The following TLE1 variants were observed in gnomAD, a reference collection of about 807,000 sequenced individuals.
TLE1 encodes the protein transducin-like enhancer protein 1.
A neutral mutation model predicts 89.8 loss-of-function variants in TLE1; 21 were observed. The observed-to-expected ratio is 0.23, with a 90% confidence interval of 0.17 to 0.34. The LOEUF (loss-of-function observed/expected upper bound fraction) is 0.34. Among genes scored for constraint, TLE1 ranks in the 10% least tolerant of loss-of-function variants. The probability of loss-of-function intolerance (pLI) is 1.00; values close to 1 mark genes in which losing one functional copy is unlikely to be tolerated. For missense variants in TLE1, 795 were observed against 1,031.2 expected, an observed-to-expected ratio of 0.77 and a Z score of 3.14; for synonymous variants, 447 against 407.6, an observed-to-expected ratio of 1.10 and a Z score of -1.16.
intron 14 of TLE1, 117 bp downstream of exon 14, chr9:81,610,103 C>CA: frequency 1.2e-6 from 1 of 854,906 alleles, no homozygotes; most frequent in East Asian, 2.6e-5. Flanking sequence ...CAGGAAAAGA[C>CA]ACCAGAAATC....
intron 6 of TLE1, among the ~76,000 whole-genome samples, chr9:81,650,762 T>C (rs1829438959): frequency 1.3e-5 from 2 of 152,146 alleles, no homozygotes; most frequent in East Asian, 1.9e-4. Context: ...GAGAATTGTT[T>C]ATGCAGAGCT....
intron 14 of TLE1, among the ~76,000 whole-genome samples, chr9:81,597,937 G>A (rs1830442279): frequency 6.6e-6 from 1 of 152,062 alleles, no homozygotes; most frequent in Non-Finnish European, 1.5e-5. Context: ...ACTATGCTGT[G>A]TTCTGTGGTC....
intron 8 of TLE1, among the ~76,000 whole-genome samples, chr9:81,628,408 GCCTCCGGGAATGAACGTGATTTTTCTT>G (rs1826163892): frequency 1.3e-5 from 2 of 152,164 alleles, no homozygotes; most frequent in African/African-American, 4.8e-5. Context: ...GTTCCCATAG[GCCTCCGGGAATGAACGTGATTTTTCTT>G]TTTTTTTCCA....
intron 7 of TLE1, 71 bp downstream of exon 7, chr9:81,634,026 G>T: frequency 6.7e-7 from 1 of 1,492,220 alleles, no homozygotes; most frequent in Non-Finnish European, 9.1e-7. Flanking sequence ...TCTCTTTAGC[G>T]ATGCACACAA....
chr9:81,668,860 G>A (rs1831842635), intron 4 of TLE1, among the ~76,000 whole-genome samples: 1 of 152,010 alleles, frequency 6.6e-6, no homozygotes, highest in African/African-American at 2.4e-5. Flanking sequence ...TATAAACCAG[G>A]GGCCACCAGA....
At chr9:81,657,623 AG>A (rs924021698) in intron 4 of TLE1, among the ~76,000 whole-genome samples, 1 of 152,182 alleles carries the variant, frequency 6.6e-6, no homozygotes, top group African/African-American at 2.4e-5. Context: ...AATAAAGAAA[AG>A]AAAGACATAT....
chr9:81,601,648 A>G (rs1218713232), intron 14 of TLE1, among the ~76,000 whole-genome samples: 6 of 152,152 alleles, frequency 3.9e-5, no homozygotes, highest in South Asian at 2.1e-4. Context: ...TCTCTTACCA[A>G]TGATCTCCAC....
At chr9:81,618,900 A>C (rs1467124643) in intron 9 of TLE1, among the ~76,000 whole-genome samples, 2 of 152,196 alleles carry the variant, frequency 1.3e-5, no homozygotes, top group African/African-American at 4.8e-5. Flanking sequence ...GTCTGTCATC[A>C]GTGATCTAAG....
intron 4 of TLE1, among the ~76,000 whole-genome samples, chr9:81,667,140 C>T (rs951937141): frequency 6.6e-5 from 10 of 152,014 alleles, no homozygotes; most frequent in Middle Eastern, 6.8e-3. Flanking sequence ...CAGCCGGGCA[C>T]GGTGGCTCAC....
At chr9:81,657,939 T>C (rs1830341036) in intron 4 of TLE1, among the ~76,000 whole-genome samples, 1 of 145,782 alleles carries the variant, frequency 6.9e-6, no homozygotes, top group Admixed American at 7.0e-5. Context: ...AGACAGAGTC[T>C]CGCTCTGTCA....
chr9:81,687,702 G>C (rs1834500659), intron 1 of TLE1, among the ~76,000 whole-genome samples: 1 of 152,002 alleles, frequency 6.6e-6, no homozygotes, highest in Non-Finnish European at 1.5e-5. Context: ...CCAAAGGGAA[G>C]GGGGCTCCCC....
chr9:81,676,991 C>T (rs541118550), intron 4 of TLE1, among the ~76,000 whole-genome samples: 1 of 152,224 alleles, frequency 6.6e-6, no homozygotes, highest in East Asian at 1.9e-4. Flanking sequence ...AATCCCAACA[C>T]TTTGGGAGGC....
Position 81,613,301 on chromosome 9 carries a change from C to T in TLE1, c.1063+76G>A, listed in dbSNP as rs987831750. 5.1e-6 allele frequency: 8 copies of T among 1,559,752 alleles called. No individual in the cohort carries two copies. The African/African-American group carries it at 1.1e-4, about 21-fold the overall frequency. ...TTTCATATTTGTAGGGCAATTGCGTCACAACATTAACAGACAACAAATCAA... is the reference window on the plus strand; with the variant it reads ...TTTCATATTTGTAGGGCAATTGCGTTACAACATTAACAGACAACAAATCAA... On this transcript the variant is annotated intron_variant, in intron 12 of 19. Coordinates refer to ENST00000376499, the MANE Select transcript of TLE1 (RefSeq NM_005077.5).
intron 8 of TLE1, among the ~76,000 whole-genome samples, chr9:81,621,232 A>G (rs1385554325): frequency 1.3e-5 from 2 of 152,212 alleles, no homozygotes; most frequent in African/African-American, 2.4e-5. Context: ...CACAAATGAC[A>G]CAGGATACTT....
At chr9:81,646,348 G>A (rs186992791) in intron 6 of TLE1, among the ~76,000 whole-genome samples, 8 of 152,212 alleles carry the variant, frequency 5.3e-5, no homozygotes, top group South Asian at 4.1e-4. Flanking sequence ...CTTTCCCTTC[G>A]GAAATTTAAT....
At chr9:81,624,687 T>C (rs1825696752) in intron 8 of TLE1, among the ~76,000 whole-genome samples, 1 of 152,218 alleles carries the variant, frequency 6.6e-6, no homozygotes, top group Non-Finnish European at 1.5e-5. Flanking sequence ...GCCAGGATTT[T>C]TTTAAAGACT....
At chr9:81,671,701 ACCTCCTTATACTT>A (rs987296118) in intron 4 of TLE1, among the ~76,000 whole-genome samples, 5 of 152,104 alleles carry the variant, frequency 3.3e-5, no homozygotes, top group South Asian at 2.1e-4. Flanking sequence ...AGTATTTGAA[ACCTCCTTATACTT>A]CCTCCTTATA....
chr9:81,633,868 T>C (rs1387801498), intron 7 of TLE1: 3 of 497,046 alleles, frequency 6.0e-6, no homozygotes, highest in Middle Eastern at 5.2e-4. Flanking sequence ...GTTGCCAAGA[T>C]GTCAAGATGC....
chr9:81,602,607 A>G (rs1831085353), intron 14 of TLE1, among the ~76,000 whole-genome samples: 1 of 152,178 alleles, frequency 6.6e-6, no homozygotes, highest in East Asian at 1.9e-4. Context: ...CGGTACTCAA[A>G]AAGTTTCAGA....
Sources: allele counts gnomAD v4.1 joint callset (sites outside exome capture counted in the v4.1 genomes callset), GRCh38; gene constraint gnomAD v4.1.1; transcripts MANE v1.5; gene names NCBI Gene and HGNC (gene_info 2026-07-23, HGNC 2026-07-21).